The following NEDD4L variants were observed in gnomAD, a reference collection of about 807,000 sequenced individuals.
NEDD4L encodes E3 ubiquitin-protein ligase NEDD4-like.
In NEDD4L, 54 loss-of-function variants were observed where a neutral mutation model predicts 148.9. That is an observed-to-expected ratio of 0.36 (90% CI 0.29 to 0.45). The LOEUF is 0.45. NEDD4L is among the 20% of genes least tolerant of loss of function. The pLI, the probability that NEDD4L is intolerant of heterozygous loss-of-function variation, is 1.00. For missense variants in NEDD4L, 856 were observed against 1,233.8 expected (o/e 0.69, Z 4.59); for synonymous variants, 433 against 440.7 (o/e 0.98, Z 0.22).
At chr18:58,137,735 T>C (rs2033008889) in intron 1 of NEDD4L, among the ~76,000 whole-genome samples, 1 of 152,218 alleles carries the variant, frequency 6.6e-6, no homozygotes, top group Non-Finnish European at 1.5e-5. Context: ...ACCCTGTCGC[T>C]ACCACATCAA....
intron 16 of NEDD4L, among the ~76,000 whole-genome samples, chr18:58,347,831 C>T (rs182052950): frequency 1.2e-3 from 184 of 152,256 alleles, no homozygotes; most frequent in African/African-American, 4.2e-3. Context: ...ATGACTTACA[C>T]GGTTGACTTG....
At chr18:58,166,146 A>T (rs1342015004) in intron 2 of NEDD4L, among the ~76,000 whole-genome samples, 1 of 152,246 alleles carries the variant, frequency 6.6e-6, no homozygotes, top group Admixed American at 6.5e-5. Flanking sequence ...CAGTAGAAAA[A>T]TACAGTGTGG....
chr18:58,374,430 A>C (rs2047276342), intron 24 of NEDD4L, among the ~76,000 whole-genome samples: 2 of 151,718 alleles, frequency 1.3e-5, no homozygotes, highest in East Asian at 1.9e-4. Context: ...TCCTTTAAAA[A>C]TCTCCTTTTG....
intron 5 of NEDD4L, among the ~76,000 whole-genome samples, chr18:58,258,981 T>A (rs1012890737): frequency 6.6e-6 from 1 of 152,210 alleles, no homozygotes; most frequent in Non-Finnish European, 1.5e-5. Flanking sequence ...CTAAAGGACA[T>A]TACATTATTA....
intron 5 of NEDD4L, among the ~76,000 whole-genome samples, chr18:58,299,949 T>C (rs2149239528): frequency 6.6e-6 from 1 of 152,340 alleles, no homozygotes; most frequent in Non-Finnish European, 1.5e-5. Flanking sequence ...TGTGCCAATG[T>C]CTGGGCAAGA....
At chr18:58,148,851 A>G (rs2034384409) in intron 1 of NEDD4L, among the ~76,000 whole-genome samples, 1 of 152,238 alleles carries the variant, frequency 6.6e-6, no homozygotes, top group African/African-American at 2.4e-5. Context: ...GGTGGGTTCA[A>G]GAATCTTTTC....
chr18:58,106,077 A>T (rs1470454094), intron 1 of NEDD4L, among the ~76,000 whole-genome samples: 1 of 152,188 alleles, frequency 6.6e-6, no homozygotes, highest in East Asian at 1.9e-4. Context: ...GTTGATGTGG[A>T]GAGTGAGAGG....
At chr18:58,374,312 G>C (rs1456146445) in intron 24 of NEDD4L, among the ~76,000 whole-genome samples, 2 of 152,124 alleles carry the variant, frequency 1.3e-5, no homozygotes, top group South Asian at 4.1e-4. Flanking sequence ...TCCTGGTGTG[G>C]GTGGAACCTG....
intron 5 of NEDD4L, among the ~76,000 whole-genome samples, chr18:58,258,697 T>G (rs916750026): frequency 6.6e-6 from 1 of 152,186 alleles, no homozygotes; most frequent in Non-Finnish European, 1.5e-5. Flanking sequence ...ATGTATGTAT[T>G]TTTGTACACA....
chr18:58,082,845 C>T (rs1306702029), intron 1 of NEDD4L, among the ~76,000 whole-genome samples: 3 of 150,980 alleles, frequency 2.0e-5, no homozygotes, highest in East Asian at 1.9e-4. Context: ...AGCGTCCCAT[C>T]GTGTGGATGT....
Position 58,089,491 on chromosome 18 carries a change from T to C in NEDD4L, c.48+44783T>C, listed in dbSNP as rs545327658. On this transcript the variant is annotated intron_variant, in intron 1 of 30. Coordinates refer to ENST00000400345, the MANE Select transcript of NEDD4L (RefSeq NM_001144967.3). ...AATTGGCTGGGGCACGTATAACTAA[T>C]GTGAGTTACTGATTTCAGAGGAAGC... Among the ~76,000 whole-genome samples, 38 of 152,242 alleles carry C rather than the reference T, an allele frequency of 2.5e-4. No individual in the cohort carries two copies. The South Asian group carries it at 6.4e-3, about 26-fold the overall frequency.
intron 2 of NEDD4L, among the ~76,000 whole-genome samples, chr18:58,217,389 A>G (rs964329736): frequency 4.6e-5 from 7 of 152,134 alleles, no homozygotes; most frequent in African/African-American, 1.4e-4. Context: ...GGTCTCCTCT[A>G]CCCTCAGCAT....
At chr18:58,098,781 A>G (rs1276697341) in intron 1 of NEDD4L, among the ~76,000 whole-genome samples, 1 of 152,214 alleles carries the variant, frequency 6.6e-6, no homozygotes, top group Non-Finnish European at 1.5e-5. Context: ...GGGTGAGAAG[A>G]TAGTGGTGGC....
intron 1 of NEDD4L, among the ~76,000 whole-genome samples, chr18:58,094,433 C>T (rs550627627): frequency 8.5e-5 from 13 of 152,148 alleles, no homozygotes; most frequent in African/African-American, 1.7e-4. Flanking sequence ...GCGATCTGCC[C>T]GCCTCAGCCT....
intron 1 of NEDD4L, among the ~76,000 whole-genome samples, chr18:58,099,199 A>G (rs2084608527): frequency 6.7e-6 from 1 of 148,494 alleles, no homozygotes; most frequent in African/African-American, 2.5e-5. Context: ...TTTTTTTTGG[A>G]GACAAGTTTT....
rs1040666482 is a variant in NEDD4L, at chr18:58,401,274, C to T, written c.*5005C>T. The stretch of plus-strand genomic sequence containing the variant: ...TGATACAGTGGTAAAAACCAAACTA[C>T]CTTGAATTTTTTTAAGGCAACTTAT... On this transcript the variant is annotated 3_prime_UTR_variant, in exon 31 of 31. Coordinates refer to ENST00000400345, the MANE Select transcript of NEDD4L (RefSeq NM_001144967.3). 1 of 152,190 alleles carries T rather than the reference C, an allele frequency of 6.6e-6. No homozygotes were observed. Among genetic ancestry groups the T allele is most frequent in the African/African-American group, 2.4e-5 (1 of 41,456 alleles). 9.4% of individuals were successfully genotyped at this position (152,190 alleles called of 1,614,324 possible).
chr18:58,351,169 A>G (rs144817023), intron 18 of NEDD4L, 124 bp downstream of exon 18: 12 of 1,514,910 alleles, frequency 7.9e-6, no homozygotes, highest in Non-Finnish European at 7.1e-6. Context: ...ATGTGGAGAA[A>G]ATGATACCAG....
chr18:58,254,177 C>T (rs1283772047), intron 5 of NEDD4L, among the ~76,000 whole-genome samples: 1 of 152,184 alleles, frequency 6.6e-6, no homozygotes, highest in Admixed American at 6.5e-5. Context: ...TAATCCACCA[C>T]ACTCTGGATG....
At chr18:58,286,333 G>A (rs1222201252) in intron 5 of NEDD4L, among the ~76,000 whole-genome samples, 1 of 152,152 alleles carries the variant, frequency 6.6e-6, no homozygotes, top group Non-Finnish European at 1.5e-5. Flanking sequence ...CAATAAAGGT[G>A]CCAATTTAAG....
Sources: gnomAD v4.1 joint callset for allele counts (sites outside exome capture counted in the v4.1 genomes callset) on GRCh38, gnomAD v4.1.1 for gene constraint, MANE v1.5 for transcripts, NCBI Gene and HGNC (gene_info 2026-07-23, HGNC 2026-07-21) for gene names.